PRDM16: variants seen among roughly 807,000 people sequenced by gnomAD.
The protein encoded by PRDM16 is PR/SET domain 16, also known as histone-lysine N-methyltransferase PRDM16.
PRDM16 carries 23 observed loss-of-function variants against 110.6 expected under a neutral mutation model. That is an observed-to-expected ratio of 0.21 (90% CI 0.15 to 0.29). The LOEUF is 0.29. Among genes scored for constraint, PRDM16 ranks in the 10% least tolerant of loss-of-function variants. The pLI is 1.00. For missense variants in PRDM16, 1,615 were observed against 1,794.3 expected (o/e 0.90, Z 1.81); for synonymous variants, 799 against 781.8 (o/e 1.02, Z -0.37).
rs765245498 is a variant in PRDM16, at chr1:3,411,583, C to G, written c.1386C>G (p.Pro462=). 2.5e-6 allele frequency: 4 copies of G among 1,614,076 alleles called. No homozygotes were observed. The highest frequency in any genetic ancestry group is 3.4e-6 in the Non-Finnish European group (4 of 1,180,030). Residue 462 remains proline, a synonymous_variant, in exon 9 of 17, where the codon CCC becomes CCG. Transcript: ENST00000270722. ...TPGGIFAPGL[P]LTPSPMMDKA... ...GCGGCATCTTTGCCCCGGGCCTGCC[C>G]TTGACCCCCAGCCCCATGATGGACA...
Position 3,181,552 on chromosome 1 carries a change from GCAGTCTTACACACGCA to G in PRDM16, c.38-4572_38-4557del, listed in dbSNP as rs1277352549. Among the ~76,000 whole-genome samples the G allele has an allele frequency of 2.2e-4, 6 of 27,430 alleles. 1 individual carries two copies. The highest frequency in any genetic ancestry group is 4.7e-4 in the Non-Finnish European group (6 of 12,900). The allele number at this position is 27,430 out of a possible 152,430, so 18.0% of individuals were successfully genotyped here. The stretch of plus-strand genomic sequence containing the variant: ...CGGTCTTACACACGGTCTTACACAC[GCAGTCTTACACACGCA>G]GTCTTACACACGGTCTTACATATGG... On this transcript the variant is annotated intron_variant, in intron 1 of 16. Coordinates refer to ENST00000270722, the MANE Select transcript of PRDM16 (RefSeq NM_022114.4).
At position 3,403,005 on chromosome 1, in the gene PRDM16, C is replaced by G; in HGVS notation, c.884+7C>G. 1.3e-6 allele frequency: 2 copies of G among 1,589,176 alleles called. No individual in the cohort carries two copies. The highest frequency in any genetic ancestry group is 1.7e-6 in the Non-Finnish European group (2 of 1,169,536). ...TGTTCCCCAACAAGTACAGGTGCCACGCCCTCCTCTGAGTCTTCCTCCCCT... is the reference window on the plus strand; with the variant it reads ...TGTTCCCCAACAAGTACAGGTGCCAGGCCCTCCTCTGAGTCTTCCTCCCCT... On this transcript the variant is annotated splice_region_variant and intron_variant, in intron 6 of 16. Coordinates refer to ENST00000270722, the MANE Select transcript of PRDM16 (RefSeq NM_022114.4).
In PRDM16 at chr1:3,306,062, T is replaced by A. The variant is rs541257389; in HGVS notation, c.438+61925T>A. On this transcript the variant is annotated intron_variant, in intron 3 of 16. Transcript: ENST00000270722. ...CAGCCTTTCTCAGAGACCACTTCCC[T>A]CCAGGTTGTGAACGGTTCTAACCAT... Among the ~76,000 whole-genome samples the A allele has an allele frequency of 2.1e-4, 32 of 152,312 alleles. No homozygotes were observed. The South Asian group carries it at 6.6e-3, about 32-fold the overall frequency.
At chr1:3,123,957 G>A (rs975909823) in intron 1 of PRDM16, among the ~76,000 whole-genome samples, 13 of 152,342 alleles carry the variant, frequency 8.5e-5, no homozygotes, top group African/African-American at 2.2e-4. Context: ...TGCAGTCAGC[G>A]TCCCAGATGC....
rs142266724 is a variant in PRDM16 at position 3,236,883 on chromosome 1, C to T, written c.388-7204C>T. 8.5e-5 allele frequency among the ~76,000 whole-genome samples: 13 copies of T among 152,342 alleles called. No individual in the cohort carries two copies. The East Asian group carries it at 1.5e-3, about 18-fold the overall frequency. On this transcript the variant is annotated intron_variant, in intron 2 of 16. Coordinates refer to ENST00000270722, the MANE Select transcript of PRDM16 (RefSeq NM_022114.4). ...GGGGCCAAGTACCCAGTGCGGAGCC[C>T]GGCCTGCCTGGCCCTTGGCCCTCCA...
chr1:3,401,590 G>GCACA (rs977517569), intron 5 of PRDM16, among the ~76,000 whole-genome samples: 1 of 152,000 alleles, frequency 6.6e-6, no homozygotes, highest in South Asian at 2.1e-4. Context: ...ACCCATTGGC[G>GCACA]CACACACACA....
intron 3 of PRDM16, among the ~76,000 whole-genome samples, chr1:3,253,779 G>A (rs936848015): frequency 2.0e-5 from 3 of 152,074 alleles, no homozygotes; most frequent in Non-Finnish European, 4.4e-5. Flanking sequence ...CTGAGGAATT[G>A]CCACACTGAC....
chr1:3,114,610 G>A (rs942951410), intron 1 of PRDM16, among the ~76,000 whole-genome samples: 4 of 150,320 alleles, frequency 2.7e-5, no homozygotes, highest in African/African-American at 7.3e-5. Context: ...ATGCACACAC[G>A]TGCATACACA....
intron 3 of PRDM16, among the ~76,000 whole-genome samples, chr1:3,287,081 G>A (rs1224819833): frequency 6.6e-6 from 1 of 152,204 alleles, no homozygotes; most frequent in African/African-American, 2.4e-5. Context: ...GAGGTCCTGG[G>A]GGCCTGGAGT....
chr1:3,181,654 ACGGTCTTACACAGTCTTACACG>A (rs1644195881), intron 1 of PRDM16, among the ~76,000 whole-genome samples: 1 of 133,932 alleles, frequency 7.5e-6, no homozygotes, highest in Non-Finnish European at 1.6e-5. Flanking sequence ...GGTCTTACAC[ACGGTCTTACACAGTCTTACACG>A]CGCAGTCTTA....
In PRDM16 at chr1:3,069,496, G is replaced by A. The variant is rs1423397932; in HGVS notation, c.37+200G>A. On this transcript the variant is annotated intron_variant, in intron 1 of 16. Coordinates refer to ENST00000270722, the MANE Select transcript of PRDM16 (RefSeq NM_022114.4). The surrounding 1 kb of genome is among the most constrained non-coding windows in gnomAD (Gnocchi z 6.1). ...CTCGGCGCGGAGGCTCGGGGCGCCC[G>A]GGCCGCGCGCTCCCCGAAGGCGCCG... 2.1e-5 allele frequency among the ~76,000 whole-genome samples: 3 copies of A among 144,914 alleles called. No homozygotes were observed. Among genetic ancestry groups the A allele is most frequent in the South Asian group, 4.5e-4 (2 of 4,448 alleles).
rs1402048803 is a variant in PRDM16, at chr1:3,148,734, C to T, written c.38-37391C>T. On this transcript the variant is annotated intron_variant, in intron 1 of 16. Transcript: ENST00000270722. The surrounding 1 kb of genome is among the most constrained non-coding windows in gnomAD (Gnocchi z 5.0). The stretch of plus-strand genomic sequence containing the variant: ...AGCCAAAGGGTGGTGAATCTGGGCA[C>T]TGCCTGGGACCATGGGGGGACCACA... Among the ~76,000 whole-genome samples the T allele has an allele frequency of 6.6e-6, 1 of 152,240 alleles. No individual in the cohort carries two copies. Among genetic ancestry groups the T allele is most frequent in the Non-Finnish European group, 1.5e-5 (1 of 68,040 alleles).
intron 3 of PRDM16, among the ~76,000 whole-genome samples, chr1:3,273,569 C>T (rs1486690723): frequency 1.3e-5 from 2 of 151,970 alleles, no homozygotes; most frequent in African/African-American, 4.8e-5. Context: ...AGGGTACATG[C>T]CCATGTGTGC....
intron 1 of PRDM16, among the ~76,000 whole-genome samples, chr1:3,183,128 C>G (rs1301940369): frequency 6.6e-6 from 1 of 152,248 alleles, no homozygotes; most frequent in African/African-American, 2.4e-5. Context: ...TGCACACTGA[C>G]CTGTGAGAGA....
At position 3,245,135 on chromosome 1, in the gene PRDM16, C is replaced by T. The variant is rs926451933; in HGVS notation, c.438+998C>T. Among the ~76,000 whole-genome samples the T allele has an allele frequency of 6.6e-5, 10 of 152,138 alleles. No homozygotes were observed. Among genetic ancestry groups the T allele is most frequent in the African/African-American group, 2.4e-4 (10 of 41,420 alleles). On this transcript the variant is annotated intron_variant, in intron 3 of 16. Coordinates refer to ENST00000270722, the MANE Select transcript of PRDM16 (RefSeq NM_022114.4). The surrounding 1 kb of genome is among the most constrained non-coding windows in gnomAD (Gnocchi z 4.7). ...GAGCCAGTGCTGAGTCAGTGCCTAC[C>T]GAGTGCTGTTACAATTCTGTCAGAA...
intron 3 of PRDM16, among the ~76,000 whole-genome samples, chr1:3,259,309 G>T (rs888562178): frequency 1.3e-5 from 2 of 152,180 alleles, no homozygotes; most frequent in African/African-American, 2.4e-5. Flanking sequence ...GGGAGACATC[G>T]CCTGGGCCTC....
At chr1:3,120,998 G>C (rs1208470473) in intron 1 of PRDM16, among the ~76,000 whole-genome samples, 1 of 152,236 alleles carries the variant, frequency 6.6e-6, no homozygotes, top group Non-Finnish European at 1.5e-5. Flanking sequence ...TGATTGACTT[G>C]TGAGCATGTT....
At chr1:3,383,907 C>T (rs1036720714) in intron 3 of PRDM16, among the ~76,000 whole-genome samples, 2 of 151,594 alleles carry the variant, frequency 1.3e-5, no homozygotes, top group South Asian at 4.2e-4. Flanking sequence ...CAGGACACAC[C>T]TGCAGAAGGA....
chr1:3,393,240 A>T (rs1407022262), intron 4 of PRDM16, among the ~76,000 whole-genome samples: 1 of 152,254 alleles, frequency 6.6e-6, no homozygotes, highest in Non-Finnish European at 1.5e-5. Context: ...GAGTGTTTAT[A>T]AAAAGGCATA....
Sources: allele counts gnomAD v4.1 joint callset (sites outside exome capture counted in the v4.1 genomes callset), GRCh38; gene constraint gnomAD v4.1.1; non-coding constraint Gnocchi (gnomAD v3.1); transcripts MANE v1.5; gene names NCBI Gene and HGNC (gene_info 2026-07-23, HGNC 2026-07-21).